SDK1: variants seen among roughly 807,000 people sequenced by gnomAD.
The protein encoded by SDK1 is protein sidekick-1.
SDK1 carries 157 observed loss-of-function variants against 245.5 expected under a neutral mutation model. The observed-to-expected ratio is 0.64, with a 90% CI of 0.56 to 0.73. The LOEUF is 0.73. Ranked by LOEUF, SDK1 falls within the 30% of genes least tolerant of loss-of-function variation. The pLI, the probability that SDK1 is intolerant of heterozygous loss-of-function variation, is 0.00. For missense variants in SDK1, 3,583 were observed against 3,002.3 expected (o/e 1.19, Z -4.52); for synonymous variants, 1,647 against 1,278.5 (o/e 1.29, Z -6.15).
At chr7:3,740,728 C>G (rs1304033759) in intron 4 of SDK1, among the ~76,000 whole-genome samples, 2 of 152,132 alleles carry the variant, frequency 1.3e-5, no homozygotes, top group Admixed American at 6.5e-5. Context: ...TTATTCTTAA[C>G]AAGATTCGTC....
chr7:3,425,840 A>T (rs1409631677), intron 1 of SDK1, among the ~76,000 whole-genome samples: 1 of 152,208 alleles, frequency 6.6e-6, no homozygotes, highest in Non-Finnish European at 1.5e-5. Flanking sequence ...CTTCCTTAGG[A>T]GACTTTCCCT....
intron 14 of SDK1, among the ~76,000 whole-genome samples, chr7:4,003,371 C>G (rs1272398470): frequency 1.3e-5 from 2 of 152,234 alleles, no homozygotes; most frequent in Non-Finnish European, 2.9e-5. Flanking sequence ...CCCAGCTTCC[C>G]CTGTGACACT....
At chr7:3,608,428 A>G (rs1781489561) in intron 1 of SDK1, among the ~76,000 whole-genome samples, 1 of 152,146 alleles carries the variant, frequency 6.6e-6, no homozygotes, top group African/African-American at 2.4e-5. Flanking sequence ...ATTTTGCAGG[A>G]TTTTCTTGAA....
chr7:3,812,512 C>T (rs1387721419), intron 4 of SDK1, among the ~76,000 whole-genome samples: 1 of 152,196 alleles, frequency 6.6e-6, no homozygotes, highest in Non-Finnish European at 1.5e-5. Context: ...GGTGAATTCA[C>T]ATAAATTCAA....
chr7:3,979,972 G>C (rs969233465), intron 13 of SDK1, among the ~76,000 whole-genome samples: 7 of 152,184 alleles, frequency 4.6e-5, no homozygotes, highest in African/African-American at 1.7e-4. Context: ...CTGAGGCATT[G>C]GGAGAGGTTT....
intron 1 of SDK1, among the ~76,000 whole-genome samples, chr7:3,582,256 C>G (rs1157576822): frequency 6.6e-6 from 1 of 151,624 alleles, no homozygotes; most frequent in Non-Finnish European, 1.5e-5. Context: ...TCAGGTAGGT[C>G]TGCCTCAGGT....
chr7:3,361,671 A>C (rs565960727), intron 1 of SDK1, among the ~76,000 whole-genome samples: 1 of 152,134 alleles, frequency 6.6e-6, no homozygotes, highest in Non-Finnish European at 1.5e-5. Context: ...TATGGCTGCC[A>C]CCTCTTTAGA....
chr7:3,495,804 G>T (rs1029902052), intron 1 of SDK1, among the ~76,000 whole-genome samples: 3 of 152,174 alleles, frequency 2.0e-5, no homozygotes, highest in Non-Finnish European at 4.4e-5. Flanking sequence ...CTCTGCCTTT[G>T]CACGAGCTGG....
At chr7:3,399,018 A>G (rs1326852962) in intron 1 of SDK1, among the ~76,000 whole-genome samples, 2 of 152,010 alleles carry the variant, frequency 1.3e-5, no homozygotes, top group Non-Finnish European at 2.9e-5. Flanking sequence ...AGCTCTTTAC[A>G]TGTTGCAACA....
chr7:4,008,996 C>T (rs758814648), intron 14 of SDK1, among the ~76,000 whole-genome samples: 8 of 152,332 alleles, frequency 5.3e-5, no homozygotes, highest in South Asian at 4.1e-4. Flanking sequence ...GCGGCTATAC[C>T]ATTTTATATT....
At chr7:3,386,231 C>A (rs142113542) in intron 1 of SDK1, among the ~76,000 whole-genome samples, 1 of 152,106 alleles carries the variant, frequency 6.6e-6, no homozygotes, top group Non-Finnish European at 1.5e-5. Context: ...GTTAGTGATA[C>A]AAAGATGTGC....
chr7:3,627,582 A>C (rs1782159512), intron 2 of SDK1, among the ~76,000 whole-genome samples: 1 of 152,218 alleles, frequency 6.6e-6, no homozygotes, highest in African/African-American at 2.4e-5. Context: ...ATTGTGTCGC[A>C]CTGAGGGCTC....
chr7:3,600,145 A>G (rs1781208727), intron 1 of SDK1, among the ~76,000 whole-genome samples: 1 of 152,170 alleles, frequency 6.6e-6, no homozygotes, highest in African/African-American at 2.4e-5. Flanking sequence ...CATAATTTCT[A>G]AAGTTTATAC....
At chr7:4,039,731 A>G (rs541088018) in intron 17 of SDK1, among the ~76,000 whole-genome samples, 107 of 152,338 alleles carry the variant, frequency 7.0e-4, no homozygotes, top group African/African-American at 2.5e-3. Flanking sequence ...ACTTATTATA[A>G]CATCTTTAAA....
chr7:3,344,964 T>C (rs938163429), intron 1 of SDK1, among the ~76,000 whole-genome samples: 2 of 152,204 alleles, frequency 1.3e-5, no homozygotes, highest in Non-Finnish European at 2.9e-5. Flanking sequence ...AGGGTAGTGC[T>C]TTGGGGACAA....
chr7:3,967,533 T>G (rs887433328), intron 10 of SDK1, 99 bp downstream of exon 10: 31 of 763,602 alleles, frequency 4.1e-5, no homozygotes, highest in South Asian at 6.4e-5. Flanking sequence ...TATTCACTTA[T>G]GCATTCACTC....
intron 1 of SDK1, among the ~76,000 whole-genome samples, chr7:3,544,571 C>T (rs1393103491): frequency 6.6e-6 from 1 of 152,234 alleles, no homozygotes; most frequent in East Asian, 1.9e-4. Flanking sequence ...TTTAAAATGT[C>T]ATTGATTCTA....
chr7:3,478,155 G>A (rs183237631), intron 1 of SDK1, among the ~76,000 whole-genome samples: 3 of 151,912 alleles, frequency 2.0e-5, no homozygotes, highest in Non-Finnish European at 4.4e-5. Context: ...ATGTTTTCAG[G>A]GAAAATATCC....
At chr7:4,264,644 A>G (rs1312540425) in intron 44 of SDK1, among the ~76,000 whole-genome samples, 8 of 120,670 alleles carry the variant, frequency 6.6e-5, no homozygotes, top group Non-Finnish European at 5.2e-5. Flanking sequence ...TGGGGTAAGG[A>G]AGGCCGTGTA....
Sources: gnomAD v4.1 joint callset for allele counts (sites outside exome capture counted in the v4.1 genomes callset) on GRCh38, gnomAD v4.1.1 for gene constraint, MANE v1.5 for transcripts, NCBI Gene and HGNC (gene_info 2026-07-23, HGNC 2026-07-21) for gene names.